Variants in PKIB observed in about 807,000 individuals in gnomAD.
The protein encoded by PKIB is cAMP-dependent protein kinase inhibitor beta, also known as PKI-beta.
A neutral mutation model predicts 4.5 loss-of-function variants in PKIB; 2 were observed. The ratio of observed to expected loss-of-function variants is 0.44; its 90% CI spans 0.18 to 1.39. The LOEUF is 1.39. PKIB is among the 40% of genes most tolerant of loss of function. The pLI, the probability that PKIB is intolerant of heterozygous loss-of-function variation, is 0.27. For synonymous variants in PKIB, 38 were observed against 36.0 expected (o/e 1.06, Z -0.20); for missense variants, 94 against 92.6 (o/e 1.02, Z -0.06).
intron 2 of PKIB, among the ~76,000 whole-genome samples, chr6:122,572,408 A>G (rs146874355): frequency 1.8e-3 from 277 of 152,270 alleles, no homozygotes; most frequent in Middle Eastern, 0.014. Flanking sequence ...TAAGATGGAA[A>G]TTGAAAATTA....
intron 3 of PKIB, among the ~76,000 whole-genome samples, chr6:122,595,259 C>T (rs978152479): frequency 4.6e-5 from 7 of 152,178 alleles, no homozygotes; most frequent in African/African-American, 1.7e-4. Context: ...GAACTTTTCC[C>T]TAGCCCTGCA....
intron 3 of PKIB, among the ~76,000 whole-genome samples, chr6:122,697,479 T>C (rs1179192247): frequency 1.3e-5 from 2 of 151,778 alleles, no homozygotes; most frequent in Admixed American, 6.6e-5. Flanking sequence ...GAGGGCCACA[T>C]TTTGAGGTGG....
intron 3 of PKIB, among the ~76,000 whole-genome samples, chr6:122,699,161 A>G (rs990679467): frequency 2.0e-5 from 3 of 152,052 alleles, no homozygotes; most frequent in Non-Finnish European, 4.4e-5. Flanking sequence ...GTAAAAATAT[A>G]TTATGTAGCA....
intron 2 of PKIB, among the ~76,000 whole-genome samples, chr6:122,673,179 A>AG (rs903970477): frequency 1.5e-4 from 22 of 151,546 alleles, no homozygotes; most frequent in East Asian, 1.9e-4. Flanking sequence ...CTGTAAAAAA[A>AG]ATTAATCATG....
At chr6:122,684,767 T>C (rs191767099) in intron 3 of PKIB, among the ~76,000 whole-genome samples, 155 of 152,278 alleles carry the variant, frequency 1.0e-3, no homozygotes, top group African/African-American at 3.7e-3. Flanking sequence ...GCTCCAAAAT[T>C]CTCAGATATC....
At chr6:122,711,081 T>C (rs1455318841) in intron 3 of PKIB, among the ~76,000 whole-genome samples, 1 of 152,030 alleles carries the variant, frequency 6.6e-6, no homozygotes, top group Non-Finnish European at 1.5e-5. Context: ...TATATTCATC[T>C]AAAGGAGAAG....
chr6:122,572,908 C>T (rs1302319449), intron 2 of PKIB, among the ~76,000 whole-genome samples: 2 of 152,072 alleles, frequency 1.3e-5, no homozygotes, highest in Admixed American at 6.5e-5. Context: ...ATGTAATTCT[C>T]CTAGATCAAA....
At chr6:122,524,444 C>T (rs690861) in intron 2 of PKIB, among the ~76,000 whole-genome samples, 97,644 of 151,400 alleles carry the variant, frequency 0.64, 31,923 homozygotes, top group South Asian at 0.83. Context: ...TCATCGTCAT[C>T]GTAGTTGTCT....
chr6:122,600,005 A>G (rs1304513188), intron 3 of PKIB, among the ~76,000 whole-genome samples: 1 of 151,698 alleles, frequency 6.6e-6, no homozygotes, highest in Non-Finnish European at 1.5e-5. Flanking sequence ...ATCTATATCT[A>G]TATCTATATC....
intron 2 of PKIB, among the ~76,000 whole-genome samples, chr6:122,537,074 T>C (rs1273647109): frequency 6.6e-6 from 1 of 152,070 alleles, no homozygotes; most frequent in African/African-American, 2.4e-5. Flanking sequence ...TTTTTTTCTT[T>C]ATACTGGTGC....
intron 2 of PKIB, among the ~76,000 whole-genome samples, chr6:122,567,327 C>T (rs1773223644): frequency 6.6e-6 from 1 of 152,128 alleles, no homozygotes; most frequent in African/African-American, 2.4e-5. Context: ...GAAGTGTGTG[C>T]TTTATACTGA....
chr6:122,474,651 T>A (rs996496506), intron 1 of PKIB, among the ~76,000 whole-genome samples: 1 of 152,180 alleles, frequency 6.6e-6, no homozygotes, highest in African/African-American at 2.4e-5. Flanking sequence ...ATAAATGGTA[T>A]GTAAAATTAA....
At chr6:122,696,862 C>T (rs904676697) in intron 3 of PKIB, among the ~76,000 whole-genome samples, 2 of 152,326 alleles carry the variant, frequency 1.3e-5, no homozygotes, top group Middle Eastern at 3.4e-3. Context: ...GCCTTTTCTC[C>T]ACACTTCAGT....
chr6:122,504,925 A>G (rs906015517), intron 2 of PKIB, among the ~76,000 whole-genome samples: 3 of 152,108 alleles, frequency 2.0e-5, no homozygotes, highest in African/African-American at 7.2e-5. Flanking sequence ...ACAGGTTAAG[A>G]GTTCTTAAAG....
chr6:122,677,252 A>T (rs1777707309), intron 3 of PKIB, among the ~76,000 whole-genome samples: 1 of 152,204 alleles, frequency 6.6e-6, no homozygotes, highest in East Asian at 1.9e-4. Context: ...ACACATTTCT[A>T]GGGCTCTATC....
chr6:122,575,738 G>A (rs1027067995), intron 2 of PKIB, among the ~76,000 whole-genome samples: 1 of 152,178 alleles, frequency 6.6e-6, no homozygotes, highest in Non-Finnish European at 1.5e-5. Flanking sequence ...AGGCATAACA[G>A]TACTATAATG....
chr6:122,696,422 T>C (rs532830851), intron 3 of PKIB, among the ~76,000 whole-genome samples: 1 of 152,284 alleles, frequency 6.6e-6, no homozygotes, highest in Non-Finnish European at 1.5e-5. Context: ...GAAGGGAGAT[T>C]GAATAATAAA....
intron 2 of PKIB, among the ~76,000 whole-genome samples, chr6:122,573,426 G>A (rs1226251486): frequency 1.3e-5 from 2 of 151,388 alleles, no homozygotes; most frequent in Admixed American, 6.6e-5. Context: ...CGAGGCTGAG[G>A]TGGAAGGATC....
At chr6:122,635,071 C>T (rs979465838) in intron 2 of PKIB, among the ~76,000 whole-genome samples, 1 of 151,894 alleles carries the variant, frequency 6.6e-6, no homozygotes, top group African/African-American at 2.4e-5. Flanking sequence ...CATACTAGAA[C>T]AAAATAAGTA....
Sources: allele counts gnomAD v4.1 joint callset (sites outside exome capture counted in the v4.1 genomes callset), GRCh38; gene constraint gnomAD v4.1.1; transcripts MANE v1.5; gene names NCBI Gene and HGNC (gene_info 2026-07-23, HGNC 2026-07-21).